Variants in MICAL3 observed in about 807,000 individuals in gnomAD.
The protein encoded by MICAL3 is [F-actin]-monooxygenase MICAL3.
In MICAL3, 62 loss-of-function variants were observed where a neutral mutation model predicts 207.4. The ratio of observed to expected loss-of-function variants is 0.30; its 90% CI spans 0.24 to 0.37. The LOEUF is 0.37. Among genes scored for constraint, MICAL3 ranks in the 10% least tolerant of loss-of-function variants. The pLI, the probability that MICAL3 is intolerant of heterozygous loss-of-function variation, is 1.00. For missense variants in MICAL3, 2,368 were observed against 2,635.6 expected (o/e 0.90, Z 2.22); for synonymous variants, 1,077 against 1,069.3 (o/e 1.01, Z -0.14).
At chr22:18,015,701 A>G (rs2146510166) in intron 1 of MICAL3, among the ~76,000 whole-genome samples, 2 of 152,190 alleles carry the variant, frequency 1.3e-5, no homozygotes, top group Admixed American at 6.6e-5. Flanking sequence ...CTCATCTCTA[A>G]TCCATCACTT....
intron 1 of MICAL3, among the ~76,000 whole-genome samples, chr22:18,011,231 C>T (rs1312101515): frequency 6.6e-6 from 1 of 152,198 alleles, no homozygotes; most frequent in Admixed American, 6.5e-5. Flanking sequence ...CCCCTTGGGC[C>T]AGATGTTCCC....
intron 1 of MICAL3, among the ~76,000 whole-genome samples, chr22:17,976,590 T>TATATATATATATA (rs1491519604): frequency 1.7e-5 from 1 of 59,924 alleles, no homozygotes; most frequent in South Asian, 4.9e-4. Flanking sequence ...TATATATATA[T>TATATATATATATA]TTTTTTTTTT....
intron 26 of MICAL3, 127 bp downstream of exon 26, chr22:17,817,184 G>T: frequency 1.7e-6 from 2 of 1,205,790 alleles, no homozygotes; most frequent in Non-Finnish European, 2.3e-6. Context: ...CCCTTCTCCA[G>T]GTCAGCACGG....
Position 17,819,942 on chromosome 22 carries a change from C to CA in MICAL3, c.3532-814dup, listed in dbSNP as rs58418733. 5.3e-3 allele frequency among the ~76,000 whole-genome samples: 360 copies of CA among 67,572 alleles called. 20 individuals carry two copies. The highest frequency in any genetic ancestry group is 0.025 in the East Asian group (25 of 1,020). The allele number at this position is 67,572 out of a possible 152,430, so 44.3% of individuals were successfully genotyped here. A position where few individuals can be genotyped will look rare whatever the true frequency, so the allele number is the denominator to read the frequency against. ...TGGGTGACAGTGAGAGACTCCATCT[C>CA]AAAAAAAAAAAAAAAAAAAAAAAAA... On this transcript the variant is annotated intron_variant, in intron 25 of 31. Transcript: ENST00000441493.
At position 17,818,136 on chromosome 22, in the gene MICAL3, C is replaced by T; in HGVS notation, c.4525G>A (p.Val1509Met). The change falls in exon 26 of 32, where the codon GTG (valine) becomes ATG (methionine). Residue 1509 changes from valine to methionine, a missense_variant. This residue lies in a region of MICAL3 where 1,770 missense variants were observed against 1,863.2 expected (regional missense o/e 0.95). Coordinates refer to ENST00000441493, the MANE Select transcript of MICAL3 (RefSeq NM_015241.3). ...ACGCTCTCCACAAACGACTTCCGCA[C>T]CTCCTCTCTGGGGGGCTGAGCAGGC... ...REPAQPPREE[V>M]RKSFVESVEE... 1 of 1,609,146 alleles carries T rather than the reference C, an allele frequency of 6.2e-7. No homozygotes were observed. Among genetic ancestry groups the T allele is most frequent in the Non-Finnish European group, 8.5e-7 (1 of 1,178,296 alleles).
At chr22:17,986,783 A>G (rs530633796) in intron 1 of MICAL3, among the ~76,000 whole-genome samples, 15 of 152,276 alleles carry the variant, frequency 9.9e-5, no homozygotes, top group African/African-American at 3.6e-4. Context: ...ACACTTCCCT[A>G]TTTCTAGTTT....
At chr22:17,968,319 A>G (rs944334240) in intron 1 of MICAL3, among the ~76,000 whole-genome samples, 1 of 152,132 alleles carries the variant, frequency 6.6e-6, no homozygotes, top group African/African-American at 2.4e-5. Flanking sequence ...GCCAGAGCTC[A>G]GACCCGCCCT....
At chr22:17,901,168 A>G (rs964143151) in intron 5 of MICAL3, among the ~76,000 whole-genome samples, 171 bp from the exon 6 acceptor site, 5 of 152,222 alleles carry the variant, frequency 3.3e-5, no homozygotes, top group African/African-American at 1.2e-4. Flanking sequence ...CCTACCCAAG[A>G]ATATGAAAAT....
chr22:17,894,042 C>T, intron 10 of MICAL3, 138 bp from the exon 11 acceptor site: 2 of 641,582 alleles, frequency 3.1e-6, no homozygotes, highest in Non-Finnish European at 5.5e-6. Context: ...GGATGATGAC[C>T]TTTAAATCTT....
intron 7 of MICAL3, among the ~76,000 whole-genome samples, chr22:17,897,720 A>C (rs1016843949): frequency 1.3e-5 from 2 of 152,190 alleles, no homozygotes; most frequent in Non-Finnish European, 2.9e-5. Context: ...GAACTCAAAA[A>C]AGCTTGAGTG....
At chr22:17,898,067 T>C (rs1931001804) in intron 7 of MICAL3, among the ~76,000 whole-genome samples, 1 of 151,404 alleles carries the variant, frequency 6.6e-6, no homozygotes, top group Non-Finnish European at 1.5e-5. Flanking sequence ...ATGGGTTTAC[T>C]ATTTAACAGC....
chr22:17,809,696 T>TA (rs1369633062), intron 28 of MICAL3, among the ~76,000 whole-genome samples: 3 of 152,150 alleles, frequency 2.0e-5, no homozygotes, highest in African/African-American at 4.8e-5. Context: ...CTGTGCAGCC[T>TA]GAAAACAAGC....
At chr22:17,874,378 T>TTTC (rs1402901729) in intron 16 of MICAL3, among the ~76,000 whole-genome samples, 2 of 152,066 alleles carry the variant, frequency 1.3e-5, no homozygotes, top group Non-Finnish European at 2.9e-5. Flanking sequence ...GAAAATGGCA[T>TTTC]TTCTCTCATT....
At chr22:17,950,751 C>T (rs551690423) in intron 1 of MICAL3, among the ~76,000 whole-genome samples, 8 of 152,238 alleles carry the variant, frequency 5.3e-5, no homozygotes, top group Non-Finnish European at 8.8e-5. Flanking sequence ...AGAATGAGTT[C>T]GGGGGAGGGA....
At chr22:17,868,788 T>A (rs1927415755) in intron 17 of MICAL3, among the ~76,000 whole-genome samples, 1 of 148,872 alleles carries the variant, frequency 6.7e-6, no homozygotes, top group African/African-American at 2.5e-5. Flanking sequence ...CAGGCCCGAG[T>A]GCCACTGTAT....
intron 29 of MICAL3, among the ~76,000 whole-genome samples, chr22:17,807,884 A>C (rs370542162): frequency 5.6e-4 from 86 of 152,346 alleles, no homozygotes; most frequent in Non-Finnish European, 8.7e-4. Flanking sequence ...AGAGTGAGGA[A>C]GTAAGAGGAT....
intron 1 of MICAL3, among the ~76,000 whole-genome samples, chr22:17,966,582 G>T (rs1452598434): frequency 6.6e-6 from 1 of 152,214 alleles, no homozygotes; most frequent in African/African-American, 2.4e-5. Flanking sequence ...TCAGAGCACA[G>T]GCTTGGGAGT....
intron 27 of MICAL3, 22 bp downstream of exon 27, chr22:17,816,651 GGCCCCAGGCCCTGTGAA>G: frequency 2.7e-6 from 4 of 1,469,198 alleles, no homozygotes; most frequent in Non-Finnish European, 3.7e-6. Context: ...GAACAGACAG[GGCCCCAGGCCCTGTGAA>G]GCCCCCTGCC....
At position 17,817,764 on chromosome 22, in the gene MICAL3, G is replaced by C. The variant is rs769842553; in HGVS notation, c.4897C>G (p.Arg1633Gly). Residue 1633 changes from arginine to glycine, a missense_variant, in exon 26 of 32, where the codon CGC becomes GGC. Coordinates refer to ENST00000441493, the MANE Select transcript of MICAL3 (RefSeq NM_015241.3). ...MELASGAPRP[R>G]KASSAPSQGK... is the part of the protein sequence containing the mutation. Reference sequence around the variant, plus strand: ...TGGGAGGGTGCTGAGGACGCCTTGCGGGGCCTGGGGGCGCCTGAGGCCAGC... The same window carrying C: ...TGGGAGGGTGCTGAGGACGCCTTGCCGGGCCTGGGGGCGCCTGAGGCCAGC... 3 of 1,593,406 alleles carry C rather than the reference G, an allele frequency of 1.9e-6. No homozygotes were observed. The Admixed American group carries it at 5.1e-5, about 27-fold the overall frequency.
Sources: allele counts gnomAD v4.1 joint callset (sites outside exome capture counted in the v4.1 genomes callset), GRCh38; gene constraint gnomAD v4.1.1; regional missense constraint gnomAD v4.1.1; transcripts MANE v1.5; gene names NCBI Gene and HGNC (gene_info 2026-07-23, HGNC 2026-07-21).